TRAP1: variants seen among roughly 807,000 people sequenced by gnomAD.
TRAP1 encodes the protein heat shock protein 75 kDa, mitochondrial.
TRAP1 carries 102 observed loss-of-function variants against 89.1 expected under a neutral mutation model. The ratio of observed to expected loss-of-function variants is 1.15; its 90% CI spans 0.98 to 1.35. TRAP1 has a LOEUF of 1.35. TRAP1 is among the 40% of genes most tolerant of loss of function. The probability of loss-of-function intolerance (pLI) is 0.00; values close to 1 mark genes in which losing one functional copy is unlikely to be tolerated. For synonymous variants in TRAP1, 508 were observed against 388.0 expected (o/e 1.31, Z -3.64); for missense variants, 1,256 against 945.3 (o/e 1.33, Z -4.31).
intron 1 of TRAP1, among the ~76,000 whole-genome samples, chr16:3,701,700 C>A (rs2051367778): frequency 6.6e-6 from 1 of 152,094 alleles, no homozygotes; most frequent in Admixed American, 6.6e-5. Flanking sequence ...TAGTGAGTAA[C>A]AGAACACAGA....
chr16:3,666,739 A>G (rs1332521033), intron 11 of TRAP1, among the ~76,000 whole-genome samples: 1 of 152,208 alleles, frequency 6.6e-6, no homozygotes, highest in Non-Finnish European at 1.5e-5. Context: ...AGCACTGTAT[A>G]TACTATATAT....
intron 15 of TRAP1, chr16:3,662,433 TCCTC>T (rs889469807): frequency 1.8e-6 from 1 of 551,280 alleles, no homozygotes; most frequent in Non-Finnish European, 3.3e-6. Context: ...TGAGGCCCCT[TCCTC>T]CAAGTGACCA....
intron 17 of TRAP1, 101 bp downstream of exon 17, chr16:3,658,690 CAA>C: frequency 8.5e-7 from 1 of 1,180,812 alleles, no homozygotes; most frequent in East Asian, 2.6e-5. Flanking sequence ...AACAAACAAA[CAA>C]AAAGACAGGA....
At chr16:3,671,100 G>A (rs1166398096) in intron 11 of TRAP1, among the ~76,000 whole-genome samples, 1 of 152,150 alleles carries the variant, frequency 6.6e-6, no homozygotes, top group Non-Finnish European at 1.5e-5. Flanking sequence ...CATGCTGCAC[G>A]TGGTGGGCTC....
chr16:3,658,996 T>TTAATGATCATTTATA, intron 16 of TRAP1, 131 bp from the exon 17 acceptor site: 1 of 845,448 alleles, frequency 1.2e-6, no homozygotes, highest in Non-Finnish European at 1.9e-6. Context: ...ATAAGGTATG[T>TTAATGATCATTTATA]TAATGATCAT....
intron 1 of TRAP1, among the ~76,000 whole-genome samples, chr16:3,699,575 G>A (rs1325377653): frequency 6.9e-6 from 1 of 145,934 alleles, no homozygotes; most frequent in African/African-American, 2.6e-5. Flanking sequence ...GCGGTGAGCC[G>A]AGATTGTGCC....
At chr16:3,715,165 A>G (rs2051581223) in intron 1 of TRAP1, among the ~76,000 whole-genome samples, 1 of 152,242 alleles carries the variant, frequency 6.6e-6, no homozygotes, top group Non-Finnish European at 1.5e-5. Context: ...AGGGCTGGGC[A>G]CAGCGGCTCA....
At chr16:3,709,181 C>G (rs1477159185) in intron 1 of TRAP1, among the ~76,000 whole-genome samples, 5 of 136,992 alleles carry the variant, frequency 3.6e-5, no homozygotes, top group Non-Finnish European at 7.7e-5. Context: ...GAGCCAAGAT[C>G]ACGCCACTGC....
Position 3,665,956 on chromosome 16 carries a change from A to G in TRAP1, c.1383+15T>C. The G allele has an allele frequency of 6.2e-7, 1 of 1,606,296 alleles. No homozygotes were observed. The highest frequency in any genetic ancestry group is 1.1e-5 in the South Asian group (1 of 89,732). ...AAGGTGGCCCAGAAAAAGGCCTGGAACACAGCTCCTATACCTTGACCTCCT... is the reference window on the plus strand; with the variant it reads ...AAGGTGGCCCAGAAAAAGGCCTGGAGCACAGCTCCTATACCTTGACCTCCT... On this transcript the variant is annotated intron_variant, in intron 12 of 17. Transcript: ENST00000246957.
intron 12 of TRAP1, 146 bp downstream of exon 12, chr16:3,665,825 C>G: frequency 1.9e-6 from 2 of 1,047,422 alleles, no homozygotes; most frequent in Non-Finnish European, 2.7e-6. Flanking sequence ...GCCTGGCCTT[C>G]CATTTCCTGA....
Position 3,667,656 on chromosome 16 carries a change from T to TA in TRAP1, c.1236-1539dup, listed in dbSNP as rs1205643677. On this transcript the variant is annotated intron_variant, in intron 11 of 17. Transcript: ENST00000246957. ...AAATAAATAAATAAATAAATAAAAATAAAAAAATTTTATTAATGATAGCAA... is the reference window on the plus strand; with the variant it reads ...AAATAAATAAATAAATAAATAAAAATAAAAAAAATTTTATTAATGATAGCAA... Among the ~76,000 whole-genome samples, 4 of 148,936 alleles carry TA rather than the reference T, an allele frequency of 2.7e-5. 1 individual carries two copies. Among genetic ancestry groups the TA allele is most frequent in the African/African-American group, 4.9e-5 (2 of 40,448 alleles).
chr16:3,696,266 C>T (rs144781381), intron 1 of TRAP1, among the ~76,000 whole-genome samples: 37 of 152,284 alleles, frequency 2.4e-4, no homozygotes, highest in Admixed American at 4.6e-4. Flanking sequence ...GCCTAGGACA[C>T]CCAGTGGTGT....
intron 11 of TRAP1, 84 bp from the exon 12 acceptor site, chr16:3,666,202 C>T (rs1455715418): frequency 2.8e-5 from 42 of 1,481,332 alleles, no homozygotes; most frequent in Admixed American, 1.1e-4. Context: ...ATGTTCAGCC[C>T]CGCTAAGAAT....
At chr16:3,692,645 C>G (rs1029901239) in intron 1 of TRAP1, among the ~76,000 whole-genome samples, 2 of 135,018 alleles carry the variant, frequency 1.5e-5, no homozygotes, top group African/African-American at 2.8e-5. Context: ...GTTGCCCAGG[C>G]TGCAGTGCAA....
Position 3,658,225 on chromosome 16 carries a change from G to C in TRAP1, c.2019C>G (p.Tyr673Ter), listed in dbSNP as rs776747983. The C allele has an allele frequency of 1.8e-5, 29 of 1,613,254 alleles. No homozygotes were observed. The highest frequency in any genetic ancestry group is 2.7e-5 in the African/African-American group (2 of 74,778). Residue 673 changes from tyrosine to a stop codon, truncating the protein, a stop_gained, in exon 18 of 18, where the codon TAC (tyrosine) becomes TAG (stop). Coordinates refer to ENST00000246957, the MANE Select transcript of TRAP1 (RefSeq NM_016292.3). LOFTEE classifies it high-confidence loss of function. ...GLAQLLVDQI[Y>*]ENAMIAAGLV... ...GTCCAGCAGCAATCATGGCGTTCTC[G>C]TATATCTGAAAGGCAAGAGGAGAAA...
intron 11 of TRAP1, among the ~76,000 whole-genome samples, chr16:3,666,899 T>C (rs1020219486): frequency 6.6e-6 from 1 of 152,190 alleles, no homozygotes; most frequent in African/African-American, 2.4e-5. Context: ...TATTTTTATT[T>C]TCTTCTTAAT....
intron 16 of TRAP1, chr16:3,661,618 G>A (rs1178556573): frequency 9.3e-6 from 2 of 214,754 alleles, no homozygotes; most frequent in Middle Eastern, 1.6e-3. Flanking sequence ...CCTCTGCATG[G>A]GCAACCCTCA....
chr16:3,702,263 T>C (rs1472595570), intron 1 of TRAP1, among the ~76,000 whole-genome samples: 1 of 151,646 alleles, frequency 6.6e-6, no homozygotes, highest in African/African-American at 2.4e-5. Flanking sequence ...GCCCAATGAC[T>C]AGACTAAGTG....
At chr16:3,662,371 C>G (rs2043133499) in intron 15 of TRAP1, 1 of 594,274 alleles carries the variant, frequency 1.7e-6, no homozygotes, top group Admixed American at 3.0e-5. Flanking sequence ...GCTGCTGCCT[C>G]CAGGAGCTGC....
Sources: allele counts gnomAD v4.1 joint callset (sites outside exome capture counted in the v4.1 genomes callset), GRCh38; gene constraint gnomAD v4.1.1; transcripts MANE v1.5; gene names NCBI Gene and HGNC (gene_info 2026-07-23, HGNC 2026-07-21).